Variants in DCLK1 observed in about 807,000 individuals in gnomAD.
DCLK1 encodes doublecortin like kinase 1.
A neutral mutation model predicts 86.2 loss-of-function variants in DCLK1; 16 were observed. The observed-to-expected ratio is 0.19, with a 90% CI of 0.13 to 0.28. The LOEUF (loss-of-function observed/expected upper bound fraction) is 0.28, where lower values mean the gene tolerates loss of function less well. DCLK1 is among the 10% of genes least tolerant of loss of function. DCLK1 has a pLI of 1.00. For synonymous variants in DCLK1, 369 were observed against 370.5 expected (o/e 1.00, Z 0.05); for missense variants, 590 against 940.2 (o/e 0.63, Z 4.87).
intron 16 of DCLK1, among the ~76,000 whole-genome samples, chr13:35,789,389 A>G (rs2086673918): frequency 6.6e-6 from 1 of 152,356 alleles, no homozygotes; most frequent in Non-Finnish European, 1.5e-5. Flanking sequence ...GTGAAGTTTT[A>G]ATCTTTTTAA....
At chr13:36,125,290 A>T (rs1240628545) in intron 2 of DCLK1, among the ~76,000 whole-genome samples, 1 of 152,122 alleles carries the variant, frequency 6.6e-6, no homozygotes, top group Non-Finnish European at 1.5e-5. Flanking sequence ...ATGTCATTTG[A>T]ATTTTCTGGT....
chr13:35,938,135 G>A (rs746175808), intron 4 of DCLK1, among the ~76,000 whole-genome samples: 22 of 152,216 alleles, frequency 1.4e-4, no homozygotes, highest in Non-Finnish European at 2.5e-4. Context: ...GAGAAGATGA[G>A]GAAAGATATA....
chr13:35,812,504 C>A (rs2087168764), intron 11 of DCLK1, among the ~76,000 whole-genome samples: 2 of 152,228 alleles, frequency 1.3e-5, no homozygotes, highest in Non-Finnish European at 2.9e-5. Context: ...CTACTGTTCA[C>A]ACGTCACGTC....
chr13:36,007,467 G>A (rs144576157), intron 3 of DCLK1, among the ~76,000 whole-genome samples: 128 of 152,198 alleles, frequency 8.4e-4, no homozygotes, highest in African/African-American at 2.3e-3. Context: ...CAAAATCTCC[G>A]CCAAATTCCC....
intron 4 of DCLK1, among the ~76,000 whole-genome samples, chr13:35,923,375 CTTT>C (rs1173828429): frequency 6.9e-6 from 1 of 144,972 alleles, no homozygotes; most frequent in East Asian, 2.0e-4. Context: ...GCTTCACTTT[CTTT>C]TTTTTTTTTA....
At chr13:35,932,419 T>C (rs1876504250) in intron 4 of DCLK1, among the ~76,000 whole-genome samples, 1 of 152,202 alleles carries the variant, frequency 6.6e-6, no homozygotes, top group Admixed American at 6.5e-5. Context: ...CGTCTATTTC[T>C]GTGTGTGTAT....
At chr13:35,966,786 G>A (rs1878763844) in intron 3 of DCLK1, among the ~76,000 whole-genome samples, 2 of 152,144 alleles carry the variant, frequency 1.3e-5, no homozygotes, top group East Asian at 2.0e-4. Context: ...GATTGCAGAC[G>A]GAGTCTCGCT....
Position 35,778,337 on chromosome 13 carries a change from T to A in DCLK1, c.2059-3638A>T, listed in dbSNP as rs535867284. 1.9e-3 allele frequency among the ~76,000 whole-genome samples: 285 copies of A among 152,344 alleles called. 2 individuals carry two copies. Among genetic ancestry groups the A allele is most frequent in the African/African-American group, 6.7e-3 (279 of 41,584 alleles). ...CCTATTATTACTCAAAATGATCCTATGGCATCAGTAGACTCATTGTCTTCC... is the reference window on the plus strand; with the variant it reads ...CCTATTATTACTCAAAATGATCCTAAGGCATCAGTAGACTCATTGTCTTCC... On this transcript the variant is annotated intron_variant, in intron 16 of 16. Coordinates refer to ENST00000360631, the MANE Select transcript of DCLK1 (RefSeq NM_001330071.2).
intron 11 of DCLK1, among the ~76,000 whole-genome samples, chr13:35,812,506 C>T (rs572084001): frequency 1.8e-4 from 27 of 152,340 alleles, no homozygotes; most frequent in Non-Finnish European, 2.5e-4. Flanking sequence ...ACTGTTCACA[C>T]GTCACGTCTG....
At chr13:35,886,413 T>C (rs193035453) in intron 4 of DCLK1, among the ~76,000 whole-genome samples, 1 of 152,312 alleles carries the variant, frequency 6.6e-6, no homozygotes, top group Non-Finnish European at 1.5e-5. Context: ...CTCTAAATAT[T>C]GGCAGGCTTT....
intron 3 of DCLK1, among the ~76,000 whole-genome samples, chr13:35,990,910 T>A (rs181935568): frequency 6.6e-6 from 1 of 152,300 alleles, no homozygotes; most frequent in African/African-American, 2.4e-5. Flanking sequence ...AAACTGACCA[T>A]GGAGAGTCAG....
intron 3 of DCLK1, among the ~76,000 whole-genome samples, chr13:35,979,377 G>T (rs1347225247): frequency 3.3e-5 from 5 of 152,200 alleles, no homozygotes; most frequent in Non-Finnish European, 7.3e-5. Flanking sequence ...AACTGAGACA[G>T]CCAGAAAGAG....
At chr13:35,852,805 A>C (rs1870750152) in intron 6 of DCLK1, among the ~76,000 whole-genome samples, 2 of 152,214 alleles carry the variant, frequency 1.3e-5, no homozygotes, top group Admixed American at 1.3e-4. Flanking sequence ...CTCCTCAATA[A>C]ATAAGCAAGG....
intron 3 of DCLK1, among the ~76,000 whole-genome samples, chr13:36,013,928 T>G (rs935250703): frequency 2.0e-5 from 3 of 152,210 alleles, no homozygotes. Flanking sequence ...TATAATCTCG[T>G]GGTGCGCTGT....
intron 4 of DCLK1, among the ~76,000 whole-genome samples, chr13:35,905,875 T>A (rs1453058384): frequency 6.6e-6 from 1 of 152,130 alleles, no homozygotes; most frequent in Non-Finnish European, 1.5e-5. Flanking sequence ...GATTTCCTAA[T>A]TGATACTCAT....
At chr13:35,850,506 C>A (rs929265822) in intron 6 of DCLK1, 1 of 1,214,862 alleles carries the variant, frequency 8.2e-7, no homozygotes, top group African/African-American at 1.6e-5. Context: ...TCTCCCCAAT[C>A]AAATCCATGT....
intron 3 of DCLK1, among the ~76,000 whole-genome samples, chr13:36,007,313 G>C (rs1252486001): frequency 6.6e-6 from 1 of 152,194 alleles, no homozygotes; most frequent in Non-Finnish European, 1.5e-5. Flanking sequence ...ATATTTCACA[G>C]TCAGAAGCTT....
At chr13:36,108,075 T>A (rs1400167345) in intron 3 of DCLK1, among the ~76,000 whole-genome samples, 3 of 148,452 alleles carry the variant, frequency 2.0e-5, no homozygotes, top group Admixed American at 1.3e-4. Context: ...GGCCCAGATT[T>A]AAAAAAAAAA....
intron 3 of DCLK1, among the ~76,000 whole-genome samples, chr13:35,976,742 G>C (rs999948008): frequency 6.6e-6 from 1 of 151,180 alleles, no homozygotes; most frequent in Non-Finnish European, 1.5e-5. Context: ...CACCGTTTTA[G>C]CCGGGATGGT....
Sources: allele counts gnomAD v4.1 joint callset (sites outside exome capture counted in the v4.1 genomes callset), GRCh38; gene constraint gnomAD v4.1.1; transcripts MANE v1.5; gene names NCBI Gene and HGNC (gene_info 2026-07-23, HGNC 2026-07-21).